The following SCAF8 variants were observed in gnomAD, a reference collection of about 807,000 sequenced individuals.
The protein encoded by SCAF8 is SR-related CTD associated factor 8, also known as SR-related and CTD-associated factor 8.
A neutral mutation model predicts 140.5 loss-of-function variants in SCAF8; 23 were observed. The observed-to-expected ratio is 0.16, with a 90% CI of 0.12 to 0.23. The LOEUF (loss-of-function observed/expected upper bound fraction) is 0.23, where lower values mean the gene tolerates loss of function less well. SCAF8 is among the 10% of genes least tolerant of loss of function. The pLI, the probability that SCAF8 is intolerant of heterozygous loss-of-function variation, is 1.00. For synonymous variants in SCAF8, 575 were observed against 528.9 expected (o/e 1.09, Z -1.20); for missense variants, 1,397 against 1,555.7 (o/e 0.90, Z 1.72).
intron 1 of SCAF8, among the ~76,000 whole-genome samples, chr6:154,760,555 A>G (rs1779076678): frequency 2.0e-5 from 3 of 152,170 alleles, no homozygotes; most frequent in African/African-American, 4.8e-5. Flanking sequence ...ATTATTGCAT[A>G]CTTAACTACA....
chr6:154,777,790 A>T (rs1204647931), intron 2 of SCAF8, among the ~76,000 whole-genome samples: 1 of 152,208 alleles, frequency 6.6e-6, no homozygotes, highest in Non-Finnish European at 1.5e-5. Context: ...GGACATGCTG[A>T]TCACACATCT....
rs550098407 is a variant in SCAF8 at position 154,743,096 on chromosome 6, G to C, written c.30+9166G>C. The stretch of plus-strand genomic sequence containing the variant: ...AACTTGCTGCAGAGCTGGGGAGGCT[G>C]TGCAGGCATTACTGACTCCAGCATT... On this transcript the variant is annotated intron_variant, in intron 1 of 19. Transcript: ENST00000367178. 1.8e-4 allele frequency among the ~76,000 whole-genome samples: 28 copies of C among 152,276 alleles called. 1 individual carries two copies. In the South Asian group the frequency reaches 5.0e-3, roughly 27 times the overall value.
chr6:154,816,783 CAG>C (rs1778263339), intron 13 of SCAF8, among the ~76,000 whole-genome samples: 1 of 152,150 alleles, frequency 6.6e-6, no homozygotes, highest in Non-Finnish European at 1.5e-5. Context: ...GTAATAGTAA[CAG>C]AATTCTTTAT....
chr6:154,760,795 AT>A (rs1776363139), intron 1 of SCAF8, among the ~76,000 whole-genome samples: 1 of 151,918 alleles, frequency 6.6e-6, no homozygotes. Context: ...TTTATTAAAA[AT>A]TTTTTTAGAG....
intron 9 of SCAF8, among the ~76,000 whole-genome samples, chr6:154,805,842 G>GT (rs1485279243): frequency 1.3e-5 from 2 of 152,054 alleles, no homozygotes; most frequent in African/African-American, 4.8e-5. Context: ...TTTTCTCTCT[G>GT]TTCCCTATCA....
chr6:154,777,508 G>A (rs1314122318), intron 2 of SCAF8, among the ~76,000 whole-genome samples: 2 of 152,074 alleles, frequency 1.3e-5, no homozygotes, highest in African/African-American at 4.8e-5. Context: ...TCATTTTCCA[G>A]GAGAAGCAGA....
intron 9 of SCAF8, among the ~76,000 whole-genome samples, chr6:154,806,610 G>A (rs1211384649): frequency 6.6e-6 from 1 of 152,102 alleles, no homozygotes; most frequent in East Asian, 1.9e-4. Context: ...GCATGGAGGG[G>A]GGAACAGTTA....
At chr6:154,795,989 T>A (rs1777591017) in intron 6 of SCAF8, among the ~76,000 whole-genome samples, 1 of 152,184 alleles carries the variant, frequency 6.6e-6, no homozygotes. Context: ...TTCTCTTAGT[T>A]TTCAGCTGAT....
intron 8 of SCAF8, among the ~76,000 whole-genome samples, chr6:154,803,957 T>C (rs534133305): frequency 5.3e-5 from 8 of 152,342 alleles, no homozygotes; most frequent in Admixed American, 3.9e-4. Context: ...CTTCTAGTGC[T>C]TAGAGGCCAC....
intron 19 of SCAF8, 85 bp from the exon 20 acceptor site, chr6:154,831,852 TGG>T (rs1778749460): frequency 9.2e-6 from 10 of 1,082,918 alleles, no homozygotes; most frequent in Middle Eastern, 2.5e-4. Flanking sequence ...CCTTGATTAT[TGG>T]GGGATACAAG....
At chr6:154,813,317 GA>G (rs1308668721) in intron 12 of SCAF8, among the ~76,000 whole-genome samples, 1 of 152,134 alleles carries the variant, frequency 6.6e-6, no homozygotes, top group Non-Finnish European at 1.5e-5. Context: ...TTGAGGCCAG[GA>G]ATTTGAGACC....
intron 3 of SCAF8, among the ~76,000 whole-genome samples, chr6:154,782,990 C>T (rs1777128769): frequency 6.6e-6 from 1 of 152,160 alleles, no homozygotes; most frequent in African/African-American, 2.4e-5. Flanking sequence ...CAAGTTGACA[C>T]TCAGTATTAA....
intron 4 of SCAF8, among the ~76,000 whole-genome samples, chr6:154,792,600 A>G (rs150515623): frequency 6.6e-6 from 1 of 152,190 alleles, no homozygotes; most frequent in Non-Finnish European, 1.5e-5. Flanking sequence ...AGCTAAGTGG[A>G]GCTTTCATTT....
At chr6:154,827,018 A>G (rs1362037557) in intron 17 of SCAF8, among the ~76,000 whole-genome samples, 154 bp from the exon 18 acceptor site, 1 of 152,214 alleles carries the variant, frequency 6.6e-6, no homozygotes, top group Non-Finnish European at 1.5e-5. Context: ...GGCAGCGTAT[A>G]TAAAAGCCAT....
intron 1 of SCAF8, among the ~76,000 whole-genome samples, chr6:154,750,968 G>A (rs565565901): frequency 6.6e-6 from 1 of 152,272 alleles, no homozygotes; most frequent in African/African-American, 2.4e-5. Flanking sequence ...AAAGACATGG[G>A]AATGAATTGA....
intron 1 of SCAF8, among the ~76,000 whole-genome samples, chr6:154,743,772 G>A (rs1048922003): frequency 9.9e-5 from 15 of 152,244 alleles, no homozygotes; most frequent in Admixed American, 3.3e-4. Flanking sequence ...AGACATAAGT[G>A]TTTGAGTTTG....
intron 11 of SCAF8, among the ~76,000 whole-genome samples, chr6:154,809,325 T>C (rs959869225): frequency 2.0e-4 from 30 of 152,134 alleles, no homozygotes; most frequent in African/African-American, 7.2e-4. Context: ...GAACAGTAAA[T>C]GGTGTAAGAG....
At chr6:154,778,115 A>G (rs1157431911) in intron 3 of SCAF8, 70 bp downstream of exon 3, 19 of 820,860 alleles carry the variant, frequency 2.3e-5, no homozygotes, top group Non-Finnish European at 3.3e-5. Flanking sequence ...CCTTTAGATC[A>G]AATACCCAAG....
intron 1 of SCAF8, among the ~76,000 whole-genome samples, chr6:154,756,994 A>G (rs1037441253): frequency 3.3e-5 from 5 of 151,756 alleles, no homozygotes; most frequent in Admixed American, 6.6e-5. Context: ...ACTGCACTCC[A>G]GCCTGGGTGA....
Sources: gnomAD v4.1 joint callset for allele counts (sites outside exome capture counted in the v4.1 genomes callset) on GRCh38, gnomAD v4.1.1 for gene constraint, MANE v1.5 for transcripts, NCBI Gene and HGNC (gene_info 2026-07-23, HGNC 2026-07-21) for gene names.